The following LHFPL3 variants were observed in gnomAD, a reference collection of about 807,000 sequenced individuals.
The protein encoded by LHFPL3 is LHFPL tetraspan subfamily member 3 protein.
A neutral mutation model predicts 19.3 loss-of-function variants in LHFPL3; 5 were observed. That is an observed-to-expected ratio of 0.26 (90% CI 0.14 to 0.54). LHFPL3 has a LOEUF of 0.54. LHFPL3 is among the 20% of genes least tolerant of loss of function. The pLI is 0.94. For missense variants in LHFPL3, 249 were observed against 307.4 expected (o/e 0.81, Z 1.42); for synonymous variants, 133 against 126.2 (o/e 1.05, Z -0.36).
intron 2 of LHFPL3, among the ~76,000 whole-genome samples, chr7:104,818,245 T>TA (rs1274454558): frequency 6.6e-6 from 1 of 152,212 alleles, no homozygotes; most frequent in East Asian, 1.9e-4. Context: ...AGTGTCTCTT[T>TA]ACCACCCTCT....
At chr7:104,403,129 A>G (rs113880940) in intron 1 of LHFPL3, among the ~76,000 whole-genome samples, 10,764 of 152,214 alleles carry the variant, frequency 0.071, 1,141 homozygotes, top group African/African-American at 0.23. Flanking sequence ...AACCACCATG[A>G]CATGTGTATA....
At chr7:104,792,759 ATCTT>A (rs1487532501) in intron 2 of LHFPL3, among the ~76,000 whole-genome samples, 1 of 152,178 alleles carries the variant, frequency 6.6e-6, no homozygotes, top group Non-Finnish European at 1.5e-5. Flanking sequence ...GCATCTACTT[ATCTT>A]TCTTTCAGTA....
chr7:104,636,069 T>C (rs1381117772), intron 1 of LHFPL3, among the ~76,000 whole-genome samples: 1 of 152,144 alleles, frequency 6.6e-6, no homozygotes, highest in Non-Finnish European at 1.5e-5. Flanking sequence ...CAGAATCATA[T>C]CAACTTTCTA....
At chr7:104,892,408 C>T (rs1792267344) in intron 2 of LHFPL3, among the ~76,000 whole-genome samples, 1 of 151,972 alleles carries the variant, frequency 6.6e-6, no homozygotes, top group East Asian at 1.9e-4. Flanking sequence ...TTTTCTTTTT[C>T]AGAGTCAAAA....
At chr7:104,870,201 C>T (rs934422508) in intron 2 of LHFPL3, among the ~76,000 whole-genome samples, 4 of 152,074 alleles carry the variant, frequency 2.6e-5, no homozygotes, top group Non-Finnish European at 5.9e-5. Flanking sequence ...TGTAACAAAC[C>T]TGCATGTTGT....
chr7:104,498,495 TG>T (rs766322577), intron 1 of LHFPL3, among the ~76,000 whole-genome samples: 4 of 129,980 alleles, frequency 3.1e-5, no homozygotes, highest in Non-Finnish European at 4.8e-5. Context: ...ATGGAAGCAA[TG>T]TTTTTTTTTT....
At chr7:104,639,862 C>T (rs760931960) in intron 1 of LHFPL3, among the ~76,000 whole-genome samples, 13 of 152,260 alleles carry the variant, frequency 8.5e-5, no homozygotes, top group Non-Finnish European at 1.2e-4. Flanking sequence ...TGGAAACATA[C>T]TTGAATTTCC....
At chr7:104,497,758 C>T (rs528641176) in intron 1 of LHFPL3, among the ~76,000 whole-genome samples, 5 of 152,158 alleles carry the variant, frequency 3.3e-5, no homozygotes, top group African/African-American at 4.8e-5. Context: ...CCTGATATCC[C>T]GGTGTTGCCC....
intron 1 of LHFPL3, among the ~76,000 whole-genome samples, chr7:104,644,374 C>T (rs1349710457): frequency 6.6e-6 from 1 of 152,130 alleles, no homozygotes; most frequent in African/African-American, 2.4e-5. Context: ...TTCCTTAACC[C>T]AACAGTTTCA....
chr7:104,720,411 C>A (rs4509241), intron 1 of LHFPL3, among the ~76,000 whole-genome samples: 145,556 of 152,186 alleles, frequency 0.96, 69,638 homozygotes, highest in East Asian at 0.99. Context: ...TAAAGACTTA[C>A]ATGTTAGACC....
chr7:104,702,739 A>T (rs1793126478), intron 1 of LHFPL3, among the ~76,000 whole-genome samples: 1 of 152,136 alleles, frequency 6.6e-6, no homozygotes, highest in Non-Finnish European at 1.5e-5. Flanking sequence ...CCTTCAATTA[A>T]CCCCTACTTT....
At position 104,538,403 on chromosome 7, in the gene LHFPL3, T is replaced by C. The variant is rs571565405; in HGVS notation, c.446-198272T>C. Among the ~76,000 whole-genome samples the C allele has an allele frequency of 2.6e-5, 4 of 152,284 alleles. 1 individual carries two copies. The highest frequency in any genetic ancestry group is 2.6e-4 in the Admixed American group (4 of 15,284). On this transcript the variant is annotated intron_variant, in intron 1 of 2. Transcript: ENST00000424859. ...GCCCAATATAGAAGAGACTGCCTCTTAGAGGTCTTATGGGGCCATGAATGC... is the reference window on the plus strand; with the variant it reads ...GCCCAATATAGAAGAGACTGCCTCTCAGAGGTCTTATGGGGCCATGAATGC...
At chr7:104,574,054 T>C (rs1318354081) in intron 1 of LHFPL3, among the ~76,000 whole-genome samples, 1 of 152,236 alleles carries the variant, frequency 6.6e-6, no homozygotes, top group Non-Finnish European at 1.5e-5. Flanking sequence ...CTCTTGATTG[T>C]GTCCAAGTAA....
intron 1 of LHFPL3, among the ~76,000 whole-genome samples, chr7:104,543,972 A>T (rs1226804385): frequency 6.6e-6 from 1 of 151,118 alleles, no homozygotes; most frequent in East Asian, 1.9e-4. Context: ...GCAAACCACC[A>T]TGGCACACGT....
intron 1 of LHFPL3, among the ~76,000 whole-genome samples, chr7:104,499,008 G>A (rs1237270368): frequency 6.6e-6 from 1 of 152,110 alleles, no homozygotes; most frequent in East Asian, 1.9e-4. Context: ...GTTTGGGCAT[G>A]GGTATTTCCA....
chr7:104,753,285 C>T (rs1794212617), intron 2 of LHFPL3, among the ~76,000 whole-genome samples: 1 of 152,140 alleles, frequency 6.6e-6, no homozygotes, highest in African/African-American at 2.4e-5. Context: ...TGTCTTGGAA[C>T]TCAGATCACA....
intron 2 of LHFPL3, among the ~76,000 whole-genome samples, chr7:104,841,424 CTG>C (rs1427283356): frequency 1.6e-5 from 1 of 63,892 alleles, no homozygotes; most frequent in Admixed American, 1.9e-4. Flanking sequence ...TCGTTTGTGT[CTG>C]TGGAAAATTG....
rs552996610 is a variant in LHFPL3, at chr7:104,661,621, T to C, written c.446-75054T>C. 7.2e-5 allele frequency among the ~76,000 whole-genome samples: 11 copies of C among 152,250 alleles called. No individual in the cohort carries two copies. In the South Asian group the frequency reaches 2.1e-3, roughly 29 times the overall value. On this transcript the variant is annotated intron_variant, in intron 1 of 2. Coordinates refer to ENST00000424859, the MANE Select transcript of LHFPL3 (RefSeq NM_199000.3). ...ATGTGTTTCCTTCATAATACAGTAG[T>C]CCCTCCTTACCCCAGGGAAATACTT...
At chr7:104,548,017 T>C (rs1379364431) in intron 1 of LHFPL3, among the ~76,000 whole-genome samples, 1 of 152,204 alleles carries the variant, frequency 6.6e-6, no homozygotes, top group Non-Finnish European at 1.5e-5. Flanking sequence ...TTTTCCAACA[T>C]GCATCTAGGC....
Sources: gnomAD v4.1 joint callset for allele counts (sites outside exome capture counted in the v4.1 genomes callset) on GRCh38, gnomAD v4.1.1 for gene constraint, MANE v1.5 for transcripts, NCBI Gene and HGNC (gene_info 2026-07-23, HGNC 2026-07-21) for gene names.